SYNPO: variants seen among roughly 807,000 people sequenced by gnomAD.
SYNPO encodes the protein synaptopodin.
Under a neutral mutation model 49.5 loss-of-function variants are expected in SYNPO, and 19 were observed. The observed-to-expected ratio is 0.38, with a 90% CI of 0.27 to 0.56. The LOEUF is 0.56. Ranked by LOEUF, SYNPO falls within the 20% of genes least tolerant of loss-of-function variation. The pLI, the probability that SYNPO is intolerant of heterozygous loss-of-function variation, is 0.68. For synonymous variants in SYNPO, 536 were observed against 548.0 expected (o/e 0.98, Z 0.31); for missense variants, 1,131 against 1,248.3 (o/e 0.91, Z 1.42).
intron 2 of SYNPO, among the ~76,000 whole-genome samples, chr5:150,632,250 TC>T (rs1581484817): frequency 1.3e-5 from 2 of 152,196 alleles, no homozygotes; most frequent in East Asian, 3.8e-4. Flanking sequence ...AAATGCAGAA[TC>T]CCAGGCCTCC....
upstream of SYNPO, among the ~76,000 whole-genome samples, chr5:150,597,243 C>T (rs779505826): frequency 6.6e-6 from 1 of 152,236 alleles, no homozygotes; most frequent in Non-Finnish European, 1.5e-5. Context: ...TCAACATACA[C>T]AGGAGGCTCA....
At chr5:150,610,759 A>G (rs184982045) in intron 1 of SYNPO, among the ~76,000 whole-genome samples, 1 of 152,218 alleles carries the variant, frequency 6.6e-6, no homozygotes, top group Non-Finnish European at 1.5e-5. Flanking sequence ...GAGATGCTCT[A>G]CCAATAACGA....
Position 150,650,288 on chromosome 5 carries a change from C to A in SYNPO, c.2013C>A (p.Ala671=), listed in dbSNP as rs777147061. The part of the protein sequence containing the change: ...APRPSFSTRN[A]GIEAQDRRES... Reference sequence around the variant, plus strand: ...GGCCCTCCTTCTCTACCCGGAACGCCGGGATCGAGGCTCAGGTGTGGAAGC... The same window carrying A: ...GGCCCTCCTTCTCTACCCGGAACGCAGGGATCGAGGCTCAGGTGTGGAAGC... Residue 671 remains alanine, a synonymous_variant, in exon 2 of 3, where the codon GCC becomes GCA. Coordinates refer to ENST00000307662, the MANE Select transcript of SYNPO (RefSeq NM_007286.6). The A allele has an allele frequency of 1.9e-6, 3 of 1,614,016 alleles. No individual in the cohort carries two copies. The highest frequency in any genetic ancestry group is 1.7e-5 in the Admixed American group (1 of 60,016).
chr5:150,623,986 A>C (rs1194865730), intron 2 of SYNPO, among the ~76,000 whole-genome samples: 1 of 152,204 alleles, frequency 6.6e-6, no homozygotes, highest in Non-Finnish European at 1.5e-5. Context: ...TGGTGCTGGA[A>C]TGTGGGTATC....
At position 150,648,782 on chromosome 5, in the gene SYNPO, C is replaced by A. The variant is rs767824848; in HGVS notation, c.507C>A (p.Thr169=). The stretch of plus-strand genomic sequence containing the variant: ...CAACTCCAGCTACCACCACCAGCAC[C>A]TTCTCCAGAGAAGCTACGCTCATCC... ...KVSTPATTTS[T]FSREATLIPS... The change falls in exon 2 of 3, where the codon ACC becomes ACA. Residue 169 remains threonine, a synonymous_variant. Coordinates refer to ENST00000307662, the MANE Select transcript of SYNPO (RefSeq NM_007286.6). The surrounding 1 kb of genome is among the most constrained non-coding windows in gnomAD (Gnocchi z 5.0). 2 of 1,614,268 alleles carry A rather than the reference C, an allele frequency of 1.2e-6. No individual in the cohort carries two copies. Among genetic ancestry groups the A allele is most frequent in the Non-Finnish European group, 1.7e-6 (2 of 1,180,052 alleles).
At chr5:150,652,923 C>T (rs1758440048) in intron 2 of SYNPO, 1 of 152,224 alleles carries the variant, frequency 6.6e-6, no homozygotes. Context: ...CTCAGACAAC[C>T]TCTTCCAATC....
upstream of SYNPO, among the ~76,000 whole-genome samples, chr5:150,600,048 C>T (rs981519005): frequency 2.6e-5 from 4 of 152,154 alleles, no homozygotes; most frequent in South Asian, 2.1e-4. Context: ...TCAGAAGAGC[C>T]GGGGTCGATT....
chr5:150,590,963 C>T, the SYNPO span, among the ~76,000 whole-genome samples: 3 of 152,126 alleles, frequency 2.0e-5, no homozygotes, highest in South Asian at 2.1e-4. Flanking sequence ...GAATTAGCTC[C>T]TTTTCTGCCC....
At chr5:150,655,755 C>T (rs1180414408) in intron 2 of SYNPO, among the ~76,000 whole-genome samples, 1 of 152,204 alleles carries the variant, frequency 6.6e-6, no homozygotes, top group Non-Finnish European at 1.5e-5. Context: ...GAGGTTCAAG[C>T]GATCCTCCTG....
chr5:150,607,011 T>C (rs999197464), intron 1 of SYNPO, among the ~76,000 whole-genome samples: 9 of 151,932 alleles, frequency 5.9e-5, no homozygotes, highest in Non-Finnish European at 7.4e-5. Context: ...TCCCTTCCAT[T>C]ATTTTATTTC....
chr5:150,648,800 G>A lies in SYNPO; in HGVS notation c.525G>A (p.Thr175=), dbSNP rs1207092935. Residue 175 remains threonine (T), a synonymous_variant, in exon 2 of 3, where the codon ACG becomes ACA. Coordinates refer to ENST00000307662, the MANE Select transcript of SYNPO (RefSeq NM_007286.6). The surrounding 1 kb of genome is among the most constrained non-coding windows in gnomAD (Gnocchi z 5.0). ...TTTSTFSREA[T]LIPSSRPPAS... ...CCAGCACCTTCTCCAGAGAAGCTACGCTCATCCCCAGCTCCAGGCCCCCAG... is the reference window on the plus strand; with the variant it reads ...CCAGCACCTTCTCCAGAGAAGCTACACTCATCCCCAGCTCCAGGCCCCCAG... 46 of 1,614,064 alleles carry A rather than the reference G, an allele frequency of 2.8e-5. No homozygotes were observed. The highest frequency in any genetic ancestry group is 3.6e-5 in the Non-Finnish European group (43 of 1,180,030).
chr5:150,590,081 T>C, the SYNPO span, among the ~76,000 whole-genome samples: 1 of 152,234 alleles, frequency 6.6e-6, no homozygotes, highest in Non-Finnish European at 1.5e-5. Context: ...TTTCCAAGCC[T>C]TGCGCTTTGG....
exon 2 of SYNPO, chr5:150,618,172 C>A (rs1012195693): frequency 6.3e-6 from 4 of 635,026 alleles, no homozygotes; most frequent in Non-Finnish European, 7.6e-6. Context: ...ACTCCACTAG[C>A]CCAGGAAGGA....
At chr5:150,587,036 A>T in the SYNPO span, among the ~76,000 whole-genome samples, 1 of 152,250 alleles carries the variant, frequency 6.6e-6, no homozygotes, top group African/African-American at 2.4e-5. Context: ...GGATATGTGG[A>T]TGCATATATG....
chr5:150,659,110 T>C lies in SYNPO; in HGVS notation c.*2023T>C, dbSNP rs14458. 3,186 of 152,502 alleles carry C rather than the reference T, an allele frequency of 0.021. 42 individuals are homozygous for C. The highest frequency in any genetic ancestry group is 0.022 in the Non-Finnish European group (1,480 of 68,078). The allele number at this position is 152,502 out of a possible 1,614,324, so 9.4% of individuals were successfully genotyped here. On this transcript the variant is annotated 3_prime_UTR_variant, in exon 3 of 3. Coordinates refer to ENST00000307662, the MANE Select transcript of SYNPO (RefSeq NM_007286.6). ...CTGTTCTCTCATTGTCACTGCCCTC[T>C]CCCCAACCTCTCCTCTAACCCACTA... is the stretch of plus-strand genomic sequence containing the variant.
At chr5:150,640,949 G>C (rs1285439697) in intron 1 of SYNPO, 95 bp downstream of exon 1, 1 of 660,646 alleles carries the variant, frequency 1.5e-6, no homozygotes, top group Non-Finnish European at 1.9e-6. Flanking sequence ...CTGTCCTCTG[G>C]GCATCAAGGG....
At chr5:150,618,389 C>T in exon 2 of SYNPO, 4 of 1,551,252 alleles carry the variant, frequency 2.6e-6, no homozygotes, top group Non-Finnish European at 3.5e-6. Context: ...TCACCTCCCA[C>T]CTCCGCCCCT....
chr5:150,653,547 GC>G (rs1204124110), intron 2 of SYNPO: 2 of 152,168 alleles, frequency 1.3e-5, no homozygotes, highest in African/African-American at 4.8e-5. Context: ...TGAACTCTAG[GC>G]CCTACCTCCC....
the SYNPO span, among the ~76,000 whole-genome samples, chr5:150,586,148 C>T: frequency 1.1e-4 from 16 of 152,222 alleles, no homozygotes; most frequent in African/African-American, 3.9e-4. Context: ...AGGCTCCCCT[C>T]GGCCTTGGCA....
Sources: allele counts gnomAD v4.1 joint callset (sites outside exome capture counted in the v4.1 genomes callset), GRCh38; gene constraint gnomAD v4.1.1; non-coding constraint Gnocchi (gnomAD v3.1); transcripts MANE v1.5; gene names NCBI Gene and HGNC (gene_info 2026-07-23, HGNC 2026-07-21).